RYR3: variants seen among roughly 807,000 people sequenced by gnomAD.
RYR3 encodes ryanodine receptor 3.
Under a neutral mutation model 584.3 loss-of-function variants are expected in RYR3, and 207 were observed. The ratio of observed to expected loss-of-function variants is 0.35; its 90% confidence interval spans 0.32 to 0.40. The LOEUF (loss-of-function observed/expected upper bound fraction) is 0.40. Ranked by LOEUF, RYR3 falls within the 10% of genes least tolerant of loss-of-function variation. The pLI, the probability that RYR3 is intolerant of heterozygous loss-of-function variation, is 1.00. For missense variants in RYR3, 5,616 were observed against 6,089.2 expected, an observed-to-expected ratio of 0.92 and a Z score of 2.59; for synonymous variants, 2,416 against 2,248.5, an observed-to-expected ratio of 1.07 and a Z score of -2.11.
intron 102 of RYR3, among the ~76,000 whole-genome samples, 193 bp from the exon 103 acceptor site, chr15:33,863,945 T>G (rs984014234): frequency 7.2e-5 from 11 of 152,210 alleles, no homozygotes; most frequent in African/African-American, 2.4e-4. Context: ...ACAAAGTGGC[T>G]AATTTTGAGA....
chr15:33,826,879 A>T, intron 84 of RYR3, 127 bp downstream of exon 84: 1 of 711,436 alleles, frequency 1.4e-6, no homozygotes, highest in Non-Finnish European at 2.5e-6. Context: ...GTTCCTCAAT[A>T]AGAAACTATG....
intron 34 of RYR3, among the ~76,000 whole-genome samples, 198 bp downstream of exon 34, chr15:33,660,621 C>A (rs1457069151): frequency 2.0e-5 from 3 of 152,224 alleles, no homozygotes; most frequent in Non-Finnish European, 4.4e-5. Flanking sequence ...TAGGAGGTGC[C>A]TGCCACAGGG....
chr15:33,613,579 G>A (rs1019324964), intron 19 of RYR3, among the ~76,000 whole-genome samples: 2 of 152,212 alleles, frequency 1.3e-5, no homozygotes, highest in South Asian at 4.1e-4. Flanking sequence ...GTTGTATTAT[G>A]TACTCAGATA....
At chr15:33,658,673 C>G (rs1365376167) in intron 32 of RYR3, among the ~76,000 whole-genome samples, 2 of 152,202 alleles carry the variant, frequency 1.3e-5, no homozygotes, top group Non-Finnish European at 1.5e-5. Flanking sequence ...TGTGAGCAGA[C>G]TTTATGTAGT....
chr15:33,701,556 T>C (rs62012580), intron 42 of RYR3, among the ~76,000 whole-genome samples: 2,976 of 152,110 alleles, frequency 0.02, 43 homozygotes, highest in Non-Finnish European at 0.032. Flanking sequence ...CTACGTCTTT[T>C]CCCCATCCCT....
At chr15:33,756,829 C>T (rs2071884271) in intron 59 of RYR3, among the ~76,000 whole-genome samples, 1 of 152,052 alleles carries the variant, frequency 6.6e-6, no homozygotes, top group African/African-American at 2.4e-5. Context: ...ACATATGGTA[C>T]CCTCTTCTGG....
At chr15:33,584,974 A>G (rs956712760) in intron 15 of RYR3, among the ~76,000 whole-genome samples, 1 of 152,080 alleles carries the variant, frequency 6.6e-6, no homozygotes, top group African/African-American at 2.4e-5. Flanking sequence ...TTCACATCAT[A>G]TCTATAGTCC....
At chr15:33,777,222 C>G (rs2074053464) in intron 64 of RYR3, among the ~76,000 whole-genome samples, 2 of 152,166 alleles carry the variant, frequency 1.3e-5, no homozygotes, top group African/African-American at 4.8e-5. Flanking sequence ...AATGATAAAC[C>G]CTTCCAATAT....
intron 65 of RYR3, among the ~76,000 whole-genome samples, chr15:33,784,624 T>G (rs1240600709): frequency 6.6e-6 from 1 of 152,208 alleles, no homozygotes; most frequent in African/African-American, 2.4e-5. Flanking sequence ...GTTTGAGAAG[T>G]TTGGCCTGAG....
intron 67 of RYR3, among the ~76,000 whole-genome samples, chr15:33,800,098 G>A (rs774937204): frequency 4.6e-5 from 7 of 152,158 alleles, no homozygotes; most frequent in Non-Finnish European, 8.8e-5. Context: ...TGGTGCTACT[G>A]CAAAATTTCT....
chr15:33,553,856 T>C (rs920023527), intron 10 of RYR3, among the ~76,000 whole-genome samples: 1 of 152,230 alleles, frequency 6.6e-6, no homozygotes, highest in Admixed American at 6.5e-5. Context: ...ATTTGAAGTC[T>C]GTCATAAAAG....
intron 87 of RYR3, among the ~76,000 whole-genome samples, chr15:33,836,335 C>T (rs1035971021): frequency 6.6e-6 from 1 of 152,148 alleles, no homozygotes; most frequent in South Asian, 2.1e-4. Context: ...CTTAGCGATG[C>T]TCTTCCTGCA....
intron 2 of RYR3, 113 bp downstream of exon 2, chr15:33,473,651 TA>T (rs2049130342): frequency 9.2e-7 from 1 of 1,081,746 alleles, no homozygotes; most frequent in South Asian, 1.6e-5. Context: ...AGGACACATT[TA>T]TTTTTTAAAT....
intron 93 of RYR3, chr15:33,847,223 C>T (rs769354088): frequency 6.6e-6 from 1 of 152,192 alleles, no homozygotes; most frequent in Non-Finnish European, 1.5e-5. Flanking sequence ...CCTTTGCCAC[C>T]TTCCTATCGT....
intron 1 of RYR3, among the ~76,000 whole-genome samples, chr15:33,460,299 G>A (rs999316392): frequency 2.6e-5 from 4 of 152,228 alleles, no homozygotes; most frequent in Non-Finnish European, 4.4e-5. Flanking sequence ...TGCAATGCCC[G>A]CTGCTACACT....
chr15:33,385,705 C>CTTTT (rs1567139235), intron 1 of RYR3, among the ~76,000 whole-genome samples: 20 of 75,678 alleles, frequency 2.6e-4, no homozygotes, highest in Non-Finnish European at 4.3e-4. Context: ...TTTTCTTTTT[C>CTTTT]TTTTCTTTTT....
chr15:33,649,027 A>G (rs1311061837), intron 30 of RYR3, 45 bp from the exon 31 acceptor site: 2 of 1,564,798 alleles, frequency 1.3e-6, no homozygotes, highest in Admixed American at 3.4e-5. Flanking sequence ...CTTCAACTGG[A>G]TGGGGGCTGG....
intron 102 of RYR3, among the ~76,000 whole-genome samples, chr15:33,861,402 A>T (rs187056936): frequency 9.9e-5 from 15 of 152,030 alleles, no homozygotes; most frequent in African/African-American, 3.6e-4. Flanking sequence ...TCAACCTGTG[A>T]TTGGATTCCA....
chr15:33,805,396 A>C (rs998449778), intron 69 of RYR3, among the ~76,000 whole-genome samples: 1 of 151,936 alleles, frequency 6.6e-6, no homozygotes. Flanking sequence ...AAGGGCATTC[A>C]CACTTACACG....
Sources: gnomAD v4.1 joint callset for allele counts (sites outside exome capture counted in the v4.1 genomes callset) on GRCh38, gnomAD v4.1.1 for gene constraint, MANE v1.5 for transcripts, NCBI Gene and HGNC (gene_info 2026-07-23, HGNC 2026-07-21) for gene names.